The following RBFOX1 variants were observed in gnomAD, a reference collection of about 807,000 sequenced individuals.
RBFOX1 encodes the protein RNA binding fox-1 homolog 1, also known as RNA binding protein fox-1 homolog 1.
RBFOX1 carries 8 observed loss-of-function variants against 57.7 expected under a neutral mutation model. The observed-to-expected ratio is 0.14, with a 90% CI of 0.08 to 0.25. RBFOX1 has a LOEUF of 0.25. Ranked by LOEUF, RBFOX1 falls within the 10% of genes least tolerant of loss-of-function variation. RBFOX1 has a pLI of 1.00. For missense variants in RBFOX1, 611 were observed against 548.5 expected (o/e 1.11, Z -1.14); for synonymous variants, 326 against 222.4 (o/e 1.47, Z -4.15).
chr16:5,870,006 A>G (rs978068974), intron 4 of RBFOX1, among the ~76,000 whole-genome samples: 18 of 152,094 alleles, frequency 1.2e-4, no homozygotes, highest in African/African-American at 4.3e-4. Context: ...AATATTATCT[A>G]TAGGTGTATG....
At chr16:5,969,001 A>C (rs1449335971) in intron 4 of RBFOX1, among the ~76,000 whole-genome samples, 1 of 151,850 alleles carries the variant, frequency 6.6e-6, no homozygotes, top group Non-Finnish European at 1.5e-5. Flanking sequence ...ATTTGCCCTT[A>C]GGTTTTTCTA....
intron 4 of RBFOX1, among the ~76,000 whole-genome samples, chr16:5,916,561 T>A (rs1256280194): frequency 1.3e-5 from 2 of 152,106 alleles, no homozygotes; most frequent in Non-Finnish European, 2.9e-5. Flanking sequence ...TTTCCCTTTA[T>A]AATTAGGAGG....
chr16:5,818,436 G>C (rs985514561), intron 3 of RBFOX1, among the ~76,000 whole-genome samples: 1 of 152,168 alleles, frequency 6.6e-6, no homozygotes, highest in Non-Finnish European at 1.5e-5. Flanking sequence ...ATAAGGAACA[G>C]AGAGCTCTGC....
intron 1 of RBFOX1, among the ~76,000 whole-genome samples, chr16:6,145,236 T>A (rs1175709415): frequency 2.0e-5 from 3 of 152,126 alleles, no homozygotes; most frequent in African/African-American, 7.2e-5. Context: ...CCTCTATGTG[T>A]CCATGCATTC....
chr16:6,723,150 G>T (rs1374924494), intron 3 of RBFOX1, among the ~76,000 whole-genome samples: 1 of 152,206 alleles, frequency 6.6e-6, no homozygotes, highest in African/African-American at 2.4e-5. Context: ...GTAAAACTCA[G>T]TAGTAGCTAA....
chr16:6,019,374 G>A lies in RBFOX1; in HGVS notation c.-745G>A. On this transcript the variant is annotated 5_prime_UTR_variant, in exon 1 of 16. Transcript: ENST00000550418. The surrounding 1 kb of genome is among the most constrained non-coding windows in gnomAD (Gnocchi z 4.2). ...CAGAGTCGGTGGGACTGGCTGCGCTGCCCTGAAGTGGTTCTCCAAGCAGCG... is the reference window on the plus strand; with the variant it reads ...CAGAGTCGGTGGGACTGGCTGCGCTACCCTGAAGTGGTTCTCCAAGCAGCG... The A allele has an allele frequency of 2.0e-6, 2 of 985,700 alleles. No individual in the cohort carries two copies. The highest frequency in any genetic ancestry group is 2.4e-6 in the Non-Finnish European group (2 of 830,250). The allele number at this position is 985,700 out of a possible 1,614,324, so 61.1% of individuals were successfully genotyped here.
At chr16:5,338,447 TGAA>T (rs1357034146) in intron 1 of RBFOX1, among the ~76,000 whole-genome samples, 2 of 152,052 alleles carry the variant, frequency 1.3e-5, no homozygotes, top group Non-Finnish European at 2.9e-5. Context: ...AGAGAGAAAA[TGAA>T]GAAGATCTGG....
chr16:6,879,943 C>G lies in RBFOX1; in HGVS notation c.-15-172114C>G, dbSNP rs992182184. Reference sequence around the variant, plus strand: ...TATTTAAATTTTCATTGCATCATTTCTTCTATCTGTTCAGTGGCATTTCTA... The same window carrying G: ...TATTTAAATTTTCATTGCATCATTTGTTCTATCTGTTCAGTGGCATTTCTA... On this transcript the variant is annotated intron_variant, in intron 3 of 15. Transcript: ENST00000550418. 3.3e-5 allele frequency among the ~76,000 whole-genome samples: 5 copies of G among 152,224 alleles called. No homozygotes were observed. In the South Asian group the frequency reaches 1.0e-3, roughly 32 times the overall value.
intron 3 of RBFOX1, among the ~76,000 whole-genome samples, chr16:5,748,639 C>G (rs1337641036): frequency 2.0e-5 from 3 of 152,078 alleles, no homozygotes; most frequent in African/African-American, 7.2e-5. Flanking sequence ...CCTTCTTTGT[C>G]TCTTTTGATC....
At chr16:5,830,647 G>A (rs1032710436) in intron 3 of RBFOX1, among the ~76,000 whole-genome samples, 1 of 152,152 alleles carries the variant, frequency 6.6e-6, no homozygotes, top group Non-Finnish European at 1.5e-5. Context: ...GCAGCAGCTA[G>A]GATGATCTTT....
chr16:6,930,422 A>G (rs1166562439), intron 3 of RBFOX1, among the ~76,000 whole-genome samples: 2 of 152,094 alleles, frequency 1.3e-5, no homozygotes, highest in Non-Finnish European at 2.9e-5. Context: ...TATTGTTGTT[A>G]TTGTTGAGAA....
chr16:6,496,094 A>G (rs1356699540), intron 2 of RBFOX1, among the ~76,000 whole-genome samples: 2 of 152,236 alleles, frequency 1.3e-5, no homozygotes, highest in Non-Finnish European at 2.9e-5. Context: ...CAAGAAAGAT[A>G]TGTGCTACTC....
intron 3 of RBFOX1, among the ~76,000 whole-genome samples, chr16:6,866,837 C>T (rs544392691): frequency 6.6e-6 from 1 of 152,066 alleles, no homozygotes; most frequent in African/African-American, 2.4e-5. Flanking sequence ...CCACCGCGCC[C>T]AGCTAAAGGT....
intron 10 of RBFOX1, among the ~76,000 whole-genome samples, chr16:7,613,589 T>C (rs2057931571): frequency 6.6e-6 from 1 of 152,124 alleles, no homozygotes; most frequent in Non-Finnish European, 1.5e-5. Context: ...ATTGCTTATC[T>C]CAAAAGGGCA....
chr16:5,724,504 C>G (rs556643164), intron 3 of RBFOX1, among the ~76,000 whole-genome samples: 2 of 152,098 alleles, frequency 1.3e-5, no homozygotes, highest in African/African-American at 4.8e-5. Context: ...GGTTTGAACC[C>G]AGGACCCATT....
chr16:6,874,868 C>A (rs755850878), intron 3 of RBFOX1, among the ~76,000 whole-genome samples: 24 of 152,032 alleles, frequency 1.6e-4, no homozygotes, highest in Non-Finnish European at 2.9e-4. Context: ...AATGAACTTA[C>A]CCATGTAAGG....
chr16:7,394,193 G>A (rs1001756484), intron 4 of RBFOX1, among the ~76,000 whole-genome samples: 2 of 131,380 alleles, frequency 1.5e-5, no homozygotes, highest in African/African-American at 5.9e-5. Context: ...CCAAGATCGT[G>A]CTACTGCACT....
At chr16:6,051,686 C>A (rs543483837) in intron 1 of RBFOX1, among the ~76,000 whole-genome samples, 8 of 152,212 alleles carry the variant, frequency 5.3e-5, no homozygotes, top group Admixed American at 6.5e-5. Flanking sequence ...GCCTCAGCCT[C>A]CCAAGTAGCT....
intron 2 of RBFOX1, among the ~76,000 whole-genome samples, chr16:6,590,361 C>A (rs867693243): frequency 1.3e-5 from 2 of 152,152 alleles, no homozygotes; most frequent in Non-Finnish European, 2.9e-5. Flanking sequence ...GTTGTTTCTT[C>A]CCACCTCCCT....
Sources: gnomAD v4.1 joint callset for allele counts (sites outside exome capture counted in the v4.1 genomes callset) on GRCh38, gnomAD v4.1.1 for gene constraint, Gnocchi (gnomAD v3.1) non-coding constraint, MANE v1.5 for transcripts, NCBI Gene and HGNC (gene_info 2026-07-23, HGNC 2026-07-21) for gene names.